The following ANKAR variants were observed in gnomAD, a reference collection of about 807,000 sequenced individuals.
ANKAR encodes ankyrin and armadillo repeat containing.
ANKAR carries 136 observed loss-of-function variants against 146.2 expected under a neutral mutation model. The observed-to-expected ratio is 0.93, with a 90% confidence interval of 0.81 to 1.07. ANKAR has a LOEUF of 1.07. ANKAR is among the 50% of genes least tolerant of loss of function. The pLI is 0.00. For synonymous variants in ANKAR, 500 were observed against 575.8 expected, an observed-to-expected ratio of 0.87 and a Z score of 1.88; for missense variants, 1,567 against 1,679.9, an observed-to-expected ratio of 0.93 and a Z score of 1.18.
rs1477093659 is a variant in ANKAR at position 189,728,344 on chromosome 2, AT to A, written c.2956del (p.Tyr986IlefsTer11). On this transcript the variant is annotated frameshift_variant, in exon 14 of 23. Coordinates refer to ENST00000684021, the MANE Select transcript of ANKAR (RefSeq NM_001378068.1). LOFTEE classifies it high-confidence loss of function. ...LAGQTLKQQKYMAEQIGYSFI... is the reference protein window; with the variant it reads ...LAGQTLKQQKXMAEQIGYSFI... ...CAGGACAAACACTAAAACAACAAAA[AT>A]ATATGGCAGAACAAATTGGATACAG... The A allele has an allele frequency of 6.2e-7, 1 of 1,613,552 alleles. No individual in the cohort carries two copies. Among genetic ancestry groups the A allele is most frequent in the East Asian group, 2.2e-5 (1 of 44,868 alleles).
At chr2:189,742,902 CCTGACACACACACACA>C (rs2043521077) in intron 20 of ANKAR, among the ~76,000 whole-genome samples, 5 of 22,190 alleles carry the variant, frequency 2.3e-4, no homozygotes, top group Non-Finnish European at 2.9e-4. Context: ...ACTAGAATTA[CCTGACACACACACACA>C]CACACACACA....
Position 189,696,319 on chromosome 2 carries a change from G to C in ANKAR, c.1658G>C (p.Cys553Ser), listed in dbSNP as rs2037198367. 32 of 1,614,034 alleles carry C rather than the reference G, an allele frequency of 2.0e-5. No individual in the cohort carries two copies. The highest frequency in any genetic ancestry group is 2.7e-5 in the Non-Finnish European group (32 of 1,180,000). The change falls in exon 7 of 23, where the codon TGC (cysteine) becomes TCC (serine). Residue 553 changes from cysteine to serine, a missense_variant. By Grantham distance (112) the Cys-to-Ser change is moderately radical (BLOSUM62 -1). Coordinates refer to ENST00000684021, the MANE Select transcript of ANKAR (RefSeq NM_001378068.1). ...AGAGTTTCTATTATATGTCAACTGT[G>C]CAATGCTAACTTCAAGGTCAACCAG... is the stretch of plus-strand genomic sequence containing the variant. ...HNRVSIICQLCNANFKVNQRR... is the reference protein window; with the variant it reads ...HNRVSIICQLSNANFKVNQRR...
downstream of ANKAR, chr2:189,761,405 A>G (rs1017088378): frequency 6.3e-7 from 1 of 1,584,462 alleles, no homozygotes; most frequent in Non-Finnish European, 8.5e-7. Flanking sequence ...AATGACTAAG[A>G]TAATGTCTAC....
chr2:189,675,693 A>T (rs1384430218), intron 1 of ANKAR, among the ~76,000 whole-genome samples: 1 of 152,146 alleles, frequency 6.6e-6, no homozygotes, highest in Non-Finnish European at 1.5e-5. Context: ...GCTTTAAAAA[A>T]CTGAAAACAA....
chr2:189,716,125 A>G (rs1049739943), intron 10 of ANKAR, among the ~76,000 whole-genome samples: 3 of 152,242 alleles, frequency 2.0e-5, no homozygotes, highest in South Asian at 2.1e-4. Flanking sequence ...AGGGTATTCA[A>G]TTAGGAAAAG....
downstream of ANKAR, among the ~76,000 whole-genome samples, chr2:189,747,911 C>T (rs2044406397): frequency 6.6e-6 from 1 of 152,118 alleles, no homozygotes; most frequent in African/African-American, 2.4e-5. Flanking sequence ...GTCTTGAACT[C>T]CTGACATCAG....
chr2:189,686,024 T>G (rs1240081999), intron 2 of ANKAR, among the ~76,000 whole-genome samples: 2 of 152,182 alleles, frequency 1.3e-5, no homozygotes, highest in South Asian at 4.1e-4. Context: ...GTGGTTTTTG[T>G]TGGCTCCCAG....
chr2:189,731,545 TG>T (rs1174575307), intron 16 of ANKAR, among the ~76,000 whole-genome samples: 1 of 151,924 alleles, frequency 6.6e-6, no homozygotes, highest in Non-Finnish European at 1.5e-5. Context: ...GGCTAATTTT[TG>T]TATTTTTGTA....
chr2:189,740,184 G>A (rs186016871), intron 19 of ANKAR, among the ~76,000 whole-genome samples: 52 of 152,244 alleles, frequency 3.4e-4, no homozygotes, highest in African/African-American at 1.1e-3. Flanking sequence ...TTCTCTACTC[G>A]GAGTTCCTCC....
intron 12 of ANKAR, 92 bp downstream of exon 12, chr2:189,720,879 C>A: frequency 9.5e-7 from 1 of 1,051,586 alleles, no homozygotes; most frequent in Non-Finnish European, 1.3e-6. Context: ...AATAGATGTC[C>A]CGAATCTGTG....
chr2:189,761,915 T>G (rs904718008), downstream of ANKAR, among the ~76,000 whole-genome samples: 1 of 152,174 alleles, frequency 6.6e-6, no homozygotes, highest in Non-Finnish European at 1.5e-5. Flanking sequence ...GACTTACTAT[T>G]AAGACAGCTA....
intron 18 of ANKAR, chr2:189,755,280 G>T (rs1316320466): frequency 1.2e-6 from 2 of 1,613,026 alleles, no homozygotes; most frequent in East Asian, 4.5e-5. Flanking sequence ...GAAATCAAAA[G>T]AACTAAAAAA....
At chr2:189,710,076 T>G (rs1465526865) in intron 9 of ANKAR, among the ~76,000 whole-genome samples, 1 of 152,042 alleles carries the variant, frequency 6.6e-6, no homozygotes, top group Admixed American at 6.6e-5. Context: ...AAAAGAAAAA[T>G]CAGTTTATTA....
At chr2:189,704,881 T>G in intron 7 of ANKAR, 142 bp from the exon 8 acceptor site, 1 of 663,134 alleles carries the variant, frequency 1.5e-6, no homozygotes, top group Non-Finnish European at 2.4e-6. Context: ...TATAGGGTTG[T>G]CTAAATTTTT....
chr2:189,677,896 C>T (rs190988318), intron 2 of ANKAR, among the ~76,000 whole-genome samples: 92 of 152,314 alleles, frequency 6.0e-4, no homozygotes, highest in African/African-American at 2.1e-3. Flanking sequence ...CTGCTATAAA[C>T]ATGCATGTGC....
intron 7 of ANKAR, among the ~76,000 whole-genome samples, chr2:189,702,945 T>C (rs1355653758): frequency 6.6e-6 from 1 of 152,198 alleles, no homozygotes; most frequent in Admixed American, 6.5e-5. Flanking sequence ...TAATTCATCA[T>C]TCAAATCAAG....
downstream of ANKAR, chr2:189,761,768 A>G: frequency 2.7e-6 from 3 of 1,113,720 alleles, no homozygotes; most frequent in Non-Finnish European, 3.7e-6. Context: ...AAAGTCACCA[A>G]AAGTTTGTAA....
intron 17 of ANKAR, among the ~76,000 whole-genome samples, chr2:189,733,589 A>G (rs955613744): frequency 1.2e-4 from 19 of 152,328 alleles, no homozygotes; most frequent in African/African-American, 4.6e-4. Flanking sequence ...TGATGAAGAA[A>G]TAGCTTTTTC....
At chr2:189,730,465 A>AT in intron 15 of ANKAR, 30 bp from the exon 16 acceptor site, 1 of 1,412,698 alleles carries the variant, frequency 7.1e-7, no homozygotes, top group Non-Finnish European at 9.7e-7. Flanking sequence ...ATGGAAAAAA[A>AT]TATTACCTCA....
Sources: allele counts gnomAD v4.1 joint callset (sites outside exome capture counted in the v4.1 genomes callset), GRCh38; gene constraint gnomAD v4.1.1; transcripts MANE v1.5; gene names NCBI Gene and HGNC (gene_info 2026-07-23, HGNC 2026-07-21).